Variants in RIT2 observed in about 807,000 individuals in gnomAD.
RIT2 encodes GTP-binding protein Rit2.
In RIT2, 24 loss-of-function variants were observed where a neutral mutation model predicts 23.7. That is an observed-to-expected ratio of 1.01 (90% CI 0.73 to 1.43). The LOEUF is 1.43. Ranked by LOEUF, RIT2 falls within the 40% of genes most tolerant of loss-of-function variation. RIT2 has a pLI of 0.00. For synonymous variants in RIT2, 107 were observed against 91.1 expected (o/e 1.17, Z -0.99); for missense variants, 236 against 266.9 (o/e 0.88, Z 0.81).
intron 4 of RIT2, among the ~76,000 whole-genome samples, chr18:42,915,278 C>G (rs1908877799): frequency 6.6e-6 from 1 of 151,748 alleles, no homozygotes; most frequent in South Asian, 2.1e-4. Flanking sequence ...GCAAGGATAC[C>G]TGGGAAAGGG....
intron 1 of RIT2, among the ~76,000 whole-genome samples, chr18:43,113,936 T>C (rs904071023): frequency 1.3e-5 from 2 of 152,208 alleles, no homozygotes; most frequent in Non-Finnish European, 2.9e-5. Flanking sequence ...TCACATTGTT[T>C]ATTTCTTTCT....
intron 4 of RIT2, among the ~76,000 whole-genome samples, chr18:42,825,183 C>T (rs1187313847): frequency 6.6e-6 from 1 of 151,716 alleles, no homozygotes; most frequent in African/African-American, 2.4e-5. Flanking sequence ...TATATATAAT[C>T]TCTAAAGACA....
Position 42,883,875 on chromosome 18 carries a change from C to T in RIT2, c.426+39697G>A, listed in dbSNP as rs534498645. 1.1e-4 allele frequency among the ~76,000 whole-genome samples: 16 copies of T among 152,198 alleles called. No homozygotes were observed. The East Asian group carries it at 2.5e-3, about 24-fold the overall frequency. Reference sequence around the variant, plus strand: ...GAATCCCAGAAGTGTTAAATGGCAACCCTAAAATGATATAGCCCATTTGTA... The same window carrying T: ...GAATCCCAGAAGTGTTAAATGGCAATCCTAAAATGATATAGCCCATTTGTA... On this transcript the variant is annotated intron_variant, in intron 4 of 4. Transcript: ENST00000326695.
intron 1 of RIT2, among the ~76,000 whole-genome samples, chr18:43,095,821 A>ATGGATACATC (rs926132405): frequency 1.3e-5 from 2 of 151,978 alleles, no homozygotes; most frequent in African/African-American, 4.8e-5. Flanking sequence ...ATCTGGAAAT[A>ATGGATACATC]CTTATGTACA....
At chr18:42,852,933 A>C (rs2144038791) in intron 4 of RIT2, among the ~76,000 whole-genome samples, 1 of 151,896 alleles carries the variant, frequency 6.6e-6, no homozygotes, top group East Asian at 1.9e-4. Context: ...TCCCATGGTC[A>C]AGCAATTCTC....
At chr18:42,963,250 A>C (rs1469285655) in intron 3 of RIT2, among the ~76,000 whole-genome samples, 1 of 152,196 alleles carries the variant, frequency 6.6e-6, no homozygotes, top group Non-Finnish European at 1.5e-5. Context: ...GAACCAGAAA[A>C]ATCCAGGATA....
At chr18:42,791,095 G>A (rs1340750852) in intron 4 of RIT2, among the ~76,000 whole-genome samples, 1 of 152,112 alleles carries the variant, frequency 6.6e-6, no homozygotes, top group South Asian at 2.1e-4. Flanking sequence ...ACTTAAAATC[G>A]ATATTAAATA....
intron 4 of RIT2, among the ~76,000 whole-genome samples, chr18:42,882,645 C>A (rs1907924596): frequency 6.6e-6 from 1 of 152,174 alleles, no homozygotes; most frequent in African/African-American, 2.4e-5. Context: ...GTCACTGTCA[C>A]TTTTTAAGTG....
At chr18:42,962,496 T>C (rs2144188053) in intron 3 of RIT2, among the ~76,000 whole-genome samples, 1 of 152,282 alleles carries the variant, frequency 6.6e-6, no homozygotes, top group Admixed American at 6.5e-5. Context: ...TTTCAGATAA[T>C]AAGCTGAAAG....
intron 3 of RIT2, among the ~76,000 whole-genome samples, chr18:42,929,404 C>T (rs1057229567): frequency 1.8e-4 from 27 of 151,866 alleles, no homozygotes; most frequent in African/African-American, 3.9e-4. Context: ...ATAATACTGA[C>T]GGAAGCTTCA....
intron 3 of RIT2, among the ~76,000 whole-genome samples, chr18:42,941,371 A>C (rs557843249): frequency 6.6e-6 from 1 of 151,864 alleles, no homozygotes; most frequent in Non-Finnish European, 1.5e-5. Context: ...TCTCCAATGC[A>C]TAATTTTACT....
At chr18:42,746,483 A>C (rs564524073) in intron 4 of RIT2, among the ~76,000 whole-genome samples, 1 of 152,258 alleles carries the variant, frequency 6.6e-6, no homozygotes, top group South Asian at 2.1e-4. Flanking sequence ...GTAGACAGTA[A>C]GTAAAAATAG....
chr18:43,088,257 C>G lies in RIT2; in HGVS notation c.103+27160G>C, dbSNP rs976709865. ...TTATCTGAAGCAGGCTTGCTGGGAA[C>G]TTTTGCAGTTGCCCAACATTTACAA... is the stretch of plus-strand genomic sequence containing the variant. On this transcript the variant is annotated intron_variant, in intron 1 of 4. Transcript: ENST00000326695. Among the ~76,000 whole-genome samples, 3 of 152,156 alleles carry G rather than the reference C, an allele frequency of 2.0e-5. No individual in the cohort carries two copies. The East Asian group carries it at 5.8e-4, about 29-fold the overall frequency.
chr18:42,783,254 C>T (rs1032446283), intron 4 of RIT2, among the ~76,000 whole-genome samples: 1 of 151,930 alleles, frequency 6.6e-6, no homozygotes, highest in East Asian at 1.9e-4. Flanking sequence ...CAGAAAGCCA[C>T]TCCAAAAAAT....
At chr18:42,828,236 C>T (rs1359889948) in intron 4 of RIT2, among the ~76,000 whole-genome samples, 1 of 151,984 alleles carries the variant, frequency 6.6e-6, no homozygotes, top group African/African-American at 2.4e-5. Flanking sequence ...ATGCAATTAT[C>T]AATTCAAAAA....
intron 4 of RIT2, among the ~76,000 whole-genome samples, chr18:42,856,376 C>T (rs1281401588): frequency 6.6e-6 from 1 of 152,184 alleles, no homozygotes; most frequent in African/African-American, 2.4e-5. Context: ...TAGATCACAC[C>T]CTTTTTGCCC....
At chr18:43,047,426 C>T (rs1195260238) in intron 1 of RIT2, among the ~76,000 whole-genome samples, 1 of 151,936 alleles carries the variant, frequency 6.6e-6, no homozygotes, top group African/African-American at 2.4e-5. Context: ...TAAATTTCTG[C>T]CAAATCACTC....
chr18:43,079,077 G>T (rs1469149398), intron 1 of RIT2, among the ~76,000 whole-genome samples: 1 of 152,102 alleles, frequency 6.6e-6, no homozygotes, highest in Non-Finnish European at 1.5e-5. Flanking sequence ...CATTTAAAAA[G>T]AAAACAATTG....
intron 4 of RIT2, among the ~76,000 whole-genome samples, chr18:42,864,874 G>A (rs1907428369): frequency 6.6e-6 from 1 of 152,118 alleles, no homozygotes; most frequent in African/African-American, 2.4e-5. Flanking sequence ...AGCTCACCAT[G>A]TGCCCACAAT....
Sources: gnomAD v4.1 joint callset for allele counts (sites outside exome capture counted in the v4.1 genomes callset) on GRCh38, gnomAD v4.1.1 for gene constraint, MANE v1.5 for transcripts, NCBI Gene and HGNC (gene_info 2026-07-23, HGNC 2026-07-21) for gene names.